Variants in ZNF609 observed in about 807,000 individuals in gnomAD.
The protein encoded by ZNF609 is zinc finger protein 609.
A neutral mutation model predicts 109.5 loss-of-function variants in ZNF609; 11 were observed. That is an observed-to-expected ratio of 0.10 (90% CI 0.06 to 0.17). ZNF609 has a LOEUF of 0.17. ZNF609 is among the 10% of genes least tolerant of loss of function. The pLI is 1.00. For missense variants in ZNF609, 1,559 were observed against 1,772.4 expected (o/e 0.88, Z 2.16); for synonymous variants, 646 against 662.0 (o/e 0.98, Z 0.37).
intron 2 of ZNF609, among the ~76,000 whole-genome samples, chr15:64,536,920 A>G (rs1215696706): frequency 1.5e-5 from 2 of 137,424 alleles, no homozygotes; most frequent in African/African-American, 2.8e-5. Flanking sequence ...AAAAAAGAAA[A>G]AAAAAAAAAA....
At position 64,680,801 on chromosome 15, in the gene ZNF609, C is replaced by G. The variant is rs758654102; in HGVS notation, c.4101C>G (p.His1367Gln). 1 of 1,613,458 alleles carries G rather than the reference C, an allele frequency of 6.2e-7. No individual in the cohort carries two copies. The highest frequency in any genetic ancestry group is 8.5e-7 in the Non-Finnish European group (1 of 1,179,976). ...SPSQRLMSTH[H>Q]HHHHLGYSLL... ...CCCAGCGCCTGATGTCCACACACCACCACCACCACCACTTGGGGTACTCAT... is the reference window on the plus strand; with the variant it reads ...CCCAGCGCCTGATGTCCACACACCAGCACCACCACCACTTGGGGTACTCAT... Residue 1367 changes from histidine (H) to glutamine (Q), a missense_variant, in exon 8 of 10, where the codon CAC becomes CAG. Around this residue, in one of 4 missense-constraint regions of ZNF609, gnomAD observed 1,204 missense variants for 1,314.1 expected, o/e 0.92. Coordinates refer to ENST00000326648, the MANE Select transcript of ZNF609 (RefSeq NM_015042.2).
intron 3 of ZNF609, among the ~76,000 whole-genome samples, chr15:64,633,053 C>T (rs572118356): frequency 2.0e-5 from 3 of 151,754 alleles, no homozygotes; most frequent in Admixed American, 6.6e-5. Flanking sequence ...CAAAGTTCTG[C>T]GATTACAAGT....
At chr15:64,662,670 A>AT (rs892915599) in intron 3 of ZNF609, among the ~76,000 whole-genome samples, 64 of 146,970 alleles carry the variant, frequency 4.4e-4, no homozygotes, top group Non-Finnish European at 8.7e-4. Flanking sequence ...AAAACTAATA[A>AT]TTTTTTTTTT....
At chr15:64,550,486 G>T (rs1026515135) in intron 2 of ZNF609, among the ~76,000 whole-genome samples, 2 of 151,896 alleles carry the variant, frequency 1.3e-5, no homozygotes, top group Non-Finnish European at 2.9e-5. Flanking sequence ...TTGATGCCAG[G>T]AGTTTAAAAC....
chr15:64,673,195 G>A (rs1415285522), intron 4 of ZNF609, among the ~76,000 whole-genome samples: 1 of 152,190 alleles, frequency 6.6e-6, no homozygotes, highest in Admixed American at 6.5e-5. Context: ...GACAAAATTT[G>A]CCTCTTTTCT....
intron 3 of ZNF609, among the ~76,000 whole-genome samples, chr15:64,667,903 C>T (rs1015355609): frequency 6.6e-6 from 1 of 152,088 alleles, no homozygotes; most frequent in Non-Finnish European, 1.5e-5. Flanking sequence ...TAACCCCCAA[C>T]CAGCCTTATG....
intron 2 of ZNF609, among the ~76,000 whole-genome samples, chr15:64,590,924 A>G (rs1895282536): frequency 6.6e-6 from 1 of 152,172 alleles, no homozygotes; most frequent in East Asian, 1.9e-4. Context: ...CATTTCTGAT[A>G]ATACCTTAAA....
intron 2 of ZNF609, among the ~76,000 whole-genome samples, chr15:64,620,985 G>A (rs1895867054): frequency 6.6e-6 from 1 of 152,214 alleles, no homozygotes; most frequent in African/African-American, 2.4e-5. Flanking sequence ...ACGGATACAT[G>A]TATGATCTTC....
At chr15:64,482,035 G>C (rs1013272906) in intron 1 of ZNF609, among the ~76,000 whole-genome samples, 5 of 152,140 alleles carry the variant, frequency 3.3e-5, no homozygotes, top group African/African-American at 9.7e-5. Flanking sequence ...CGCCTGCCTT[G>C]GCCTCCCAAG....
intron 2 of ZNF609, among the ~76,000 whole-genome samples, chr15:64,549,304 C>A (rs1894423810): frequency 6.6e-6 from 1 of 152,068 alleles, no homozygotes; most frequent in Non-Finnish European, 1.5e-5. Flanking sequence ...AATTCTCCTG[C>A]CTCAGCCTCC....
intron 2 of ZNF609, among the ~76,000 whole-genome samples, chr15:64,551,403 C>T (rs1595715426): frequency 1.3e-5 from 2 of 152,212 alleles, no homozygotes; most frequent in East Asian, 1.9e-4. Flanking sequence ...CGCCTGTAAT[C>T]CCAGCACTTT....
chr15:64,465,773 C>T (rs906411168), intron 1 of ZNF609, among the ~76,000 whole-genome samples: 15 of 152,052 alleles, frequency 9.9e-5, no homozygotes, highest in Non-Finnish European at 4.4e-5. Flanking sequence ...ACCAAGTCAT[C>T]ACCAGAAGAA....
intron 2 of ZNF609, among the ~76,000 whole-genome samples, chr15:64,537,877 G>C (rs1444567620): frequency 6.6e-6 from 1 of 152,060 alleles, no homozygotes; most frequent in South Asian, 2.1e-4. Flanking sequence ...GAGGTGGGCG[G>C]ATCACCTGAG....
intron 2 of ZNF609, among the ~76,000 whole-genome samples, chr15:64,525,550 C>G (rs1236882547): frequency 6.6e-6 from 1 of 152,108 alleles, no homozygotes; most frequent in Non-Finnish European, 1.5e-5. Flanking sequence ...TTTGGCTATT[C>G]TGAGTCCTTT....
intron 8 of ZNF609, 23 bp downstream of exon 8, chr15:64,680,885 CTGT>C (rs1896875861): frequency 1.2e-6 from 2 of 1,603,464 alleles, no homozygotes; most frequent in Admixed American, 1.7e-5. Context: ...TCCCTACCAC[CTGT>C]TGTTTTGTCT....
At chr15:64,518,391 G>A (rs1325349152) in intron 2 of ZNF609, among the ~76,000 whole-genome samples, 2 of 152,194 alleles carry the variant, frequency 1.3e-5, no homozygotes, top group East Asian at 1.9e-4. Flanking sequence ...AGAAGAACTG[G>A]AAGAAGTTCA....
At chr15:64,467,527 G>A (rs1009012343) in intron 1 of ZNF609, among the ~76,000 whole-genome samples, 6 of 152,176 alleles carry the variant, frequency 3.9e-5, no homozygotes, top group African/African-American at 7.2e-5. Context: ...ATTCTAGCAG[G>A]TGGTAATTAA....
At chr15:64,554,567 G>A (rs914622418) in intron 2 of ZNF609, among the ~76,000 whole-genome samples, 4 of 151,934 alleles carry the variant, frequency 2.6e-5, no homozygotes, top group African/African-American at 9.7e-5. Flanking sequence ...AGGCTGAGGG[G>A]AGATCAGTTG....
At chr15:64,476,876 A>T (rs1893178175) in intron 1 of ZNF609, among the ~76,000 whole-genome samples, 1 of 152,090 alleles carries the variant, frequency 6.6e-6, no homozygotes, top group Non-Finnish European at 1.5e-5. Context: ...CTCTCTTCTT[A>T]GTGAGGCCTC....
Sources: allele counts gnomAD v4.1 joint callset (sites outside exome capture counted in the v4.1 genomes callset), GRCh38; gene constraint gnomAD v4.1.1; regional missense constraint gnomAD v4.1.1; transcripts MANE v1.5; gene names NCBI Gene and HGNC (gene_info 2026-07-23, HGNC 2026-07-21).